SLAMF1: variants seen among roughly 807,000 people sequenced by gnomAD.
SLAMF1 encodes signaling lymphocytic activation molecule.
A neutral mutation model predicts 35.1 loss-of-function variants in SLAMF1; 18 were observed. The observed-to-expected ratio is 0.51, with a 90% CI of 0.35 to 0.76. The LOEUF is 0.76. Among genes scored for constraint, SLAMF1 ranks in the 30% least tolerant of loss-of-function variants. The pLI is 0.01. For synonymous variants in SLAMF1, 168 were observed against 157.2 expected, an observed-to-expected ratio of 1.07 and a Z score of -0.51; for missense variants, 392 against 413.0, an observed-to-expected ratio of 0.95 and a Z score of 0.44.
intron 2 of SLAMF1, among the ~76,000 whole-genome samples, chr1:160,635,538 A>G (rs1022088125): frequency 1.3e-5 from 2 of 151,350 alleles, no homozygotes; most frequent in African/African-American, 4.9e-5. Flanking sequence ...CTATTATAGG[A>G]CAAGCACAGT....
rs545256082 is a variant in SLAMF1 at position 160,627,051 on chromosome 1, T to G, written c.701-2866A>C. 3.9e-5 allele frequency among the ~76,000 whole-genome samples: 6 copies of G among 152,302 alleles called. No individual in the cohort carries two copies. In the South Asian group the frequency reaches 1.0e-3, roughly 26 times the overall value. ...AGTTTTGGCAACATCATCTTTACCA[T>G]GCAGACCATTTTCAGTGATGGTATT... On this transcript the variant is annotated intron_variant, in intron 3 of 6. Transcript: ENST00000302035.
rs1658841170 is a variant in SLAMF1, at chr1:160,608,997, C to G, written c.*1751G>C. The G allele has an allele frequency of 6.6e-6, 1 of 152,174 alleles. No individual in the cohort carries two copies. The highest frequency in any genetic ancestry group is 2.4e-5 in the African/African-American group (1 of 41,430). The allele number at this position is 152,174 out of a possible 1,614,324, so 9.4% of individuals were successfully genotyped here. A position where few individuals can be genotyped will look rare whatever the true frequency, so the allele number is the denominator to read the frequency against. On this transcript the variant is annotated 3_prime_UTR_variant, in exon 7 of 7. Transcript: ENST00000302035. ...GACATGTGACCTAGGATTGGCCACT[C>G]AATCCCAGACTTTGAATTATAAGCT...
rs780384712 is a variant in SLAMF1 at position 160,619,780 on chromosome 1, G to A, written c.860C>T (p.Pro287Leu). ...CAAACAAAATATAGAACTTACACCT[G>A]GTTTCTGGACTTGGGCATAGATCGT... ...SLTIYAQVQKPGPLQKKLDSF... is the reference protein window; with the variant it reads ...SLTIYAQVQKLGPLQKKLDSF... Residue 287 changes from proline to leucine, a missense_variant, in exon 5 of 7, where the codon CCA becomes CTA. By Grantham distance (98) the Pro-to-Leu change is moderately conservative (BLOSUM62 -3). Coordinates refer to ENST00000302035, the MANE Select transcript of SLAMF1 (RefSeq NM_003037.5). 6.2e-7 allele frequency: 1 copy of A among 1,601,074 alleles called. No homozygotes were observed. Among genetic ancestry groups the A allele is most frequent in the Admixed American group, 1.7e-5 (1 of 60,002 alleles).
chr1:160,625,423 A>G (rs1659826617), intron 3 of SLAMF1, among the ~76,000 whole-genome samples: 1 of 152,208 alleles, frequency 6.6e-6, no homozygotes, highest in South Asian at 2.1e-4. Context: ...AGATGTTTAC[A>G]GAGTTGACCA....
At position 160,610,206 on chromosome 1, in the gene SLAMF1, A is replaced by G; in HGVS notation, c.*542T>C. On this transcript the variant is annotated 3_prime_UTR_variant, in exon 7 of 7. Transcript: ENST00000302035. ...AATAATATCAGAGTGTTTTATGTAT[A>G]ATAAGAAATTCACCCTTCAGCCTCT... The G allele has an allele frequency of 2.3e-6, 1 of 432,252 alleles. No homozygotes were observed. The highest frequency in any genetic ancestry group is 4.6e-6 in the Non-Finnish European group (1 of 217,628). 26.8% of individuals were successfully genotyped at this position (432,252 alleles called of 1,614,324 possible). A position where few individuals can be genotyped will look rare whatever the true frequency, so the allele number is the denominator to read the frequency against.
chr1:160,621,857 T>TGA (rs1289823900), intron 4 of SLAMF1, among the ~76,000 whole-genome samples: 3 of 88,498 alleles, frequency 3.4e-5, no homozygotes, highest in African/African-American at 6.3e-5. Flanking sequence ...CGTGAGTGCG[T>TGA]GTGTGTGTGT....
At chr1:160,643,478 A>C (rs1473589684) in intron 1 of SLAMF1, among the ~76,000 whole-genome samples, 2 of 152,252 alleles carry the variant, frequency 1.3e-5, no homozygotes, top group Non-Finnish European at 2.9e-5. Flanking sequence ...CGTTTGGATC[A>C]GAGCAATTAC....
chr1:160,641,301 C>G (rs1660732643), intron 1 of SLAMF1, among the ~76,000 whole-genome samples: 1 of 151,690 alleles, frequency 6.6e-6, no homozygotes, highest in Admixed American at 6.6e-5. Flanking sequence ...ATAAAAAATC[C>G]CATTTTCAGG....
At chr1:160,636,983 A>T (rs931461357) in intron 2 of SLAMF1, 20 of 574,688 alleles carry the variant, frequency 3.5e-5, no homozygotes, top group African/African-American at 3.4e-4. Flanking sequence ...ACTAATGCTT[A>T]ATCAGCTACC....
chr1:160,639,096 G>T (rs567001629), intron 1 of SLAMF1, among the ~76,000 whole-genome samples: 30 of 152,266 alleles, frequency 2.0e-4, no homozygotes, highest in African/African-American at 6.5e-4. Context: ...AGGTCTAAAG[G>T]GCATTTCAAA....
chr1:160,628,246 G>A lies in SLAMF1; in HGVS notation c.701-4061C>T, dbSNP rs137867030. Among the ~76,000 whole-genome samples, 468 of 152,210 alleles carry A rather than the reference G, an allele frequency of 3.1e-3. 3 individuals are homozygous for A. Among genetic ancestry groups the A allele is most frequent in the African/African-American group, 0.01 (434 of 41,524 alleles). ...ATAATTTTGTGGGTTTAAGTTCTCT[G>A]CTGAAGATTGAAGGGTCCCAGGGAG... is the stretch of plus-strand genomic sequence containing the variant. On this transcript the variant is annotated intron_variant, in intron 3 of 6. Transcript: ENST00000302035.
chr1:160,637,178 C>T lies in SLAMF1; in HGVS notation c.415+13G>A. The T allele has an allele frequency of 6.2e-7, 1 of 1,601,852 alleles. No homozygotes were observed. Among genetic ancestry groups the T allele is most frequent in the Admixed American group, 1.7e-5 (1 of 59,992 alleles). On this transcript the variant is annotated intron_variant, in intron 2 of 6. Coordinates refer to ENST00000302035, the MANE Select transcript of SLAMF1 (RefSeq NM_003037.5). ...GGCCCTTTAGTGTGGACTGGGGAAG[C>T]CGCCATTATTACCATAAAGCCTCAA...
At chr1:160,619,704 AG>A in intron 5 of SLAMF1, 71 bp downstream of exon 5, 2 of 973,162 alleles carry the variant, frequency 2.1e-6, no homozygotes, top group East Asian at 4.8e-5. Flanking sequence ...AATGTCCAAC[AG>A]GCAAGGTAGA....
chr1:160,629,110 C>G (rs1210322501), intron 3 of SLAMF1, among the ~76,000 whole-genome samples: 1 of 152,142 alleles, frequency 6.6e-6, no homozygotes, highest in Non-Finnish European at 1.5e-5. Context: ...TAGAGGCGGC[C>G]GAGCAGGCTG....
At chr1:160,628,177 T>G (rs1301289559) in intron 3 of SLAMF1, among the ~76,000 whole-genome samples, 1 of 152,206 alleles carries the variant, frequency 6.6e-6, no homozygotes, top group Non-Finnish European at 1.5e-5. Flanking sequence ...ACAATCAGTT[T>G]CCACAAACAA....
chr1:160,613,535 A>G (rs1403932538), intron 5 of SLAMF1, among the ~76,000 whole-genome samples: 1 of 152,242 alleles, frequency 6.6e-6, no homozygotes, highest in African/African-American at 2.4e-5. Context: ...ACAATAGGGA[A>G]GTCATTAATT....
At chr1:160,612,602 C>A in intron 5 of SLAMF1, 22 bp from the exon 6 acceptor site, 1 of 1,459,336 alleles carries the variant, frequency 6.9e-7, no homozygotes, top group South Asian at 1.2e-5. Context: ...GCAAAGAAAG[C>A]AGATTAGCTG....
chr1:160,638,077 C>G (rs547982044), intron 1 of SLAMF1, among the ~76,000 whole-genome samples: 157 of 152,138 alleles, frequency 1.0e-3, no homozygotes, highest in Non-Finnish European at 1.7e-3. Context: ...CTCCAAACAC[C>G]CTGAGATAGT....
At chr1:160,646,560 C>T (rs910433353) in intron 1 of SLAMF1, among the ~76,000 whole-genome samples, 9 of 152,204 alleles carry the variant, frequency 5.9e-5, no homozygotes, top group Admixed American at 5.2e-4. Flanking sequence ...TAAAACCAAC[C>T]ACTCAAGCAA....
Sources: gnomAD v4.1 joint callset for allele counts (sites outside exome capture counted in the v4.1 genomes callset) on GRCh38, gnomAD v4.1.1 for gene constraint, MANE v1.5 for transcripts, NCBI Gene and HGNC (gene_info 2026-07-23, HGNC 2026-07-21) for gene names.